Variants in FRMD3 observed in about 807,000 individuals in gnomAD.
FRMD3 encodes FERM domain containing 3, also known as FERM domain-containing protein 3.
FRMD3 carries 33 observed loss-of-function variants against 70.2 expected under a neutral mutation model. The observed-to-expected ratio is 0.47, with a 90% confidence interval of 0.36 to 0.63. The LOEUF (loss-of-function observed/expected upper bound fraction) is 0.63, where lower values mean the gene tolerates loss of function less well. Ranked by LOEUF, FRMD3 falls within the 20% of genes least tolerant of loss-of-function variation. The pLI is 0.00. For missense variants in FRMD3, 632 were observed against 711.4 expected, an observed-to-expected ratio of 0.89 and a Z score of 1.27; for synonymous variants, 279 against 255.9, an observed-to-expected ratio of 1.09 and a Z score of -0.86.
chr9:83,436,942 G>T (rs558889545), intron 1 of FRMD3, among the ~76,000 whole-genome samples: 1 of 152,274 alleles, frequency 6.6e-6, no homozygotes, highest in South Asian at 2.1e-4. Flanking sequence ...AGATGCCCCT[G>T]AAATATATAA....
chr9:83,315,630 G>C (rs1222569642), intron 6 of FRMD3, among the ~76,000 whole-genome samples: 1 of 152,254 alleles, frequency 6.6e-6, no homozygotes, highest in African/African-American at 2.4e-5. Flanking sequence ...CACCACGTTT[G>C]TAAGTTTCCT....
At chr9:83,399,528 C>T (rs1464580829) in intron 1 of FRMD3, among the ~76,000 whole-genome samples, 1 of 152,108 alleles carries the variant, frequency 6.6e-6, no homozygotes, top group Non-Finnish European at 1.5e-5. Flanking sequence ...CGTGCCAGGT[C>T]CAGCTCTTCA....
At position 83,356,336 on chromosome 9, in the gene FRMD3, C is replaced by T. The variant is rs185795263; in HGVS notation, c.296-6579G>A. The stretch of plus-strand genomic sequence containing the variant: ...TGTCGCCCAGGCTGGAGTGCAGTGG[C>T]GCGATCTCGGCTCACTGCAAGCTCC... On this transcript the variant is annotated intron_variant, in intron 3 of 13. Coordinates refer to ENST00000304195, the MANE Select transcript of FRMD3 (RefSeq NM_174938.6). Among the ~76,000 whole-genome samples the T allele has an allele frequency of 1.4e-3, 197 of 136,518 alleles. 3 individuals carry two copies. In the East Asian group the frequency reaches 0.041, roughly 28 times the overall value. 89.6% of individuals were successfully genotyped at this position (136,518 alleles called of 152,430 possible).
chr9:83,581,311 T>C, the FRMD3 span, among the ~76,000 whole-genome samples: 2 of 152,110 alleles, frequency 1.3e-5, no homozygotes, highest in African/African-American at 2.4e-5. Flanking sequence ...AGGCAAAGGA[T>C]TTGAATAGAC....
intron 1 of FRMD3, among the ~76,000 whole-genome samples, chr9:83,475,525 T>C (rs889624120): frequency 6.6e-6 from 1 of 152,178 alleles, no homozygotes; most frequent in African/African-American, 2.4e-5. Context: ...GGAACTCATA[T>C]GTATTGAGTA....
At chr9:83,441,665 C>G (rs1270287661) in intron 1 of FRMD3, among the ~76,000 whole-genome samples, 1 of 152,088 alleles carries the variant, frequency 6.6e-6, no homozygotes, top group Admixed American at 6.6e-5. Flanking sequence ...TGGAAAAAAG[C>G]CTCATTGCTA....
At chr9:83,555,246 C>T in the FRMD3 span, among the ~76,000 whole-genome samples, 36 of 152,050 alleles carry the variant, frequency 2.4e-4, 4 homozygotes, top group African/African-American at 8.4e-4. Context: ...GCAAAGATGG[C>T]GGCTCACCCC....
chr9:83,556,146 T>A, the FRMD3 span, among the ~76,000 whole-genome samples: 4 of 151,876 alleles, frequency 2.6e-5, no homozygotes, highest in African/African-American at 9.7e-5. Context: ...TCTTGGCCAC[T>A]CCCCTACAGA....
the FRMD3 span, among the ~76,000 whole-genome samples, chr9:83,560,876 A>G: frequency 6.6e-6 from 1 of 152,228 alleles, no homozygotes; most frequent in Non-Finnish European, 1.5e-5. Context: ...GGATGATAGA[A>G]CAATGACTTT....
chr9:83,360,603 C>A (rs1824550897), intron 3 of FRMD3, among the ~76,000 whole-genome samples: 1 of 152,132 alleles, frequency 6.6e-6, no homozygotes, highest in Non-Finnish European at 1.5e-5. Flanking sequence ...GATATAAGGA[C>A]TTCCCCCAGG....
chr9:83,441,033 G>C (rs956554652), intron 1 of FRMD3, among the ~76,000 whole-genome samples: 1 of 152,164 alleles, frequency 6.6e-6, no homozygotes, highest in East Asian at 1.9e-4. Flanking sequence ...TACTGTGGTG[G>C]TCATGGTAGC....
At chr9:83,584,389 C>T in the FRMD3 span, among the ~76,000 whole-genome samples, 1 of 152,068 alleles carries the variant, frequency 6.6e-6, no homozygotes, top group South Asian at 2.1e-4. Flanking sequence ...CCTTGTCTTA[C>T]TCCTCTTTTC....
chr9:83,263,078 T>G (rs972966658), intron 13 of FRMD3, among the ~76,000 whole-genome samples: 1 of 152,212 alleles, frequency 6.6e-6, no homozygotes, highest in African/African-American at 2.4e-5. Flanking sequence ...ACTCCTTATC[T>G]GTTGACATTG....
chr9:83,303,533 C>CA (rs773504791), intron 10 of FRMD3, among the ~76,000 whole-genome samples: 38 of 152,222 alleles, frequency 2.5e-4, no homozygotes, highest in Non-Finnish European at 5.1e-4. Context: ...TCTGCATTTC[C>CA]AAAAAATCCC....
At chr9:83,509,787 GCA>G (rs34264142) in intron 1 of FRMD3, among the ~76,000 whole-genome samples, 2,174 of 149,118 alleles carry the variant, frequency 0.015, 40 homozygotes, top group African/African-American at 0.046. Context: ...ACACGCGCGC[GCA>G]CACACACACA....
intron 1 of FRMD3, among the ~76,000 whole-genome samples, chr9:83,460,489 A>G (rs1564088350): frequency 6.6e-6 from 1 of 152,180 alleles, no homozygotes; most frequent in Non-Finnish European, 1.5e-5. Flanking sequence ...GCAAATGCCC[A>G]TAGGTCCCAA....
At chr9:83,544,546 T>C in the FRMD3 span, among the ~76,000 whole-genome samples, 3 of 152,210 alleles carry the variant, frequency 2.0e-5, no homozygotes, top group African/African-American at 7.2e-5. Context: ...TATACCCATC[T>C]GCGTCTGCCA....
At chr9:83,303,267 G>A (rs983343472) in intron 10 of FRMD3, among the ~76,000 whole-genome samples, 5 of 152,034 alleles carry the variant, frequency 3.3e-5, no homozygotes, top group African/African-American at 7.3e-5. Flanking sequence ...TTATCCTCAC[G>A]GCTCTCTACC....
At chr9:83,467,007 T>C (rs560926382) in intron 1 of FRMD3, among the ~76,000 whole-genome samples, 18 of 152,216 alleles carry the variant, frequency 1.2e-4, no homozygotes, top group African/African-American at 3.9e-4. Context: ...TCACTGCAAA[T>C]AAGTAACAGA....
Sources: gnomAD v4.1 joint callset for allele counts (sites outside exome capture counted in the v4.1 genomes callset) on GRCh38, gnomAD v4.1.1 for gene constraint, MANE v1.5 for transcripts, NCBI Gene and HGNC (gene_info 2026-07-23, HGNC 2026-07-21) for gene names.